The following WWOX variants were observed in gnomAD, a reference collection of about 807,000 sequenced individuals.
WWOX encodes the protein WW domain-containing oxidoreductase.
WWOX carries 69 observed loss-of-function variants against 46.2 expected under a neutral mutation model. The observed-to-expected ratio is 1.49, with a 90% CI of 1.23 to 1.82. The LOEUF is 1.82. WWOX is among the 40% of genes most tolerant of loss of function. The pLI, the probability that WWOX is intolerant of heterozygous loss-of-function variation, is 0.00. For missense variants in WWOX, 919 were observed against 542.6 expected (o/e 1.69, Z -6.89); for synonymous variants, 359 against 202.6 (o/e 1.77, Z -6.56).
At chr16:78,754,002 A>G (rs58418713) in intron 8 of WWOX, among the ~76,000 whole-genome samples, 2,261 of 151,568 alleles carry the variant, frequency 0.015, 51 homozygotes, top group African/African-American at 0.051. Context: ...TATGCCAAAG[A>G]GAATGATTAT....
chr16:78,388,946 G>T (rs1235887979), intron 6 of WWOX, among the ~76,000 whole-genome samples: 2 of 149,594 alleles, frequency 1.3e-5, no homozygotes, highest in Non-Finnish European at 3.0e-5. Flanking sequence ...TCCAGCCCGG[G>T]TGACAAGAGC....
At chr16:78,393,312 A>G (rs2082215092) in intron 6 of WWOX, among the ~76,000 whole-genome samples, 1 of 152,220 alleles carries the variant, frequency 6.6e-6, no homozygotes, top group South Asian at 2.1e-4. Context: ...AGGGCCTAGA[A>G]GAGTTAACAG....
chr16:79,027,373 A>T (rs1276746360), intron 8 of WWOX, among the ~76,000 whole-genome samples: 1 of 151,410 alleles, frequency 6.6e-6, no homozygotes, highest in Non-Finnish European at 1.5e-5. Context: ...AAAATTCTTC[A>T]TTGTTATTAT....
chr16:78,423,572 A>G, intron 6 of WWOX, among the ~76,000 whole-genome samples: 1 of 152,158 alleles, frequency 6.6e-6, no homozygotes, highest in South Asian at 2.1e-4. Flanking sequence ...ATTGTTAACA[A>G]TTTTGTTACG....
intron 8 of WWOX, among the ~76,000 whole-genome samples, chr16:78,634,625 G>C (rs2046519903): frequency 6.6e-6 from 1 of 151,282 alleles, no homozygotes; most frequent in Non-Finnish European, 1.5e-5. Context: ...AGAATCATTT[G>C]AACCCAGGAG....
chr16:79,201,277 C>G (rs889180620), intron 8 of WWOX, among the ~76,000 whole-genome samples: 5 of 151,956 alleles, frequency 3.3e-5, no homozygotes, highest in Admixed American at 1.3e-4. Context: ...TTGATTCTCA[C>G]TTGATAGAGG....
chr16:78,515,971 C>T (rs1457025103), intron 8 of WWOX, among the ~76,000 whole-genome samples: 1 of 152,118 alleles, frequency 6.6e-6, no homozygotes, highest in Non-Finnish European at 1.5e-5. Flanking sequence ...CAATCAGTCT[C>T]TCTCCTTCCA....
chr16:78,655,317 A>G (rs1006249138), intron 8 of WWOX, among the ~76,000 whole-genome samples: 4 of 152,182 alleles, frequency 2.6e-5, no homozygotes, highest in African/African-American at 9.7e-5. Context: ...AATGCTACCG[A>G]GCAGTGCCTG....
At chr16:79,111,484 C>G (rs1048608208) in intron 8 of WWOX, among the ~76,000 whole-genome samples, 1 of 152,168 alleles carries the variant, frequency 6.6e-6, no homozygotes, top group African/African-American at 2.4e-5. Flanking sequence ...AAATCAAGCA[C>G]TCGAGTATCC....
intron 8 of WWOX, among the ~76,000 whole-genome samples, chr16:79,137,616 C>T (rs935070132): frequency 6.6e-6 from 1 of 152,096 alleles, no homozygotes; most frequent in Admixed American, 6.5e-5. Flanking sequence ...TGGCTCTGAC[C>T]TGCCATCATG....
chr16:78,101,869 C>G (rs1428869296), intron 1 of WWOX, among the ~76,000 whole-genome samples: 6 of 152,176 alleles, frequency 3.9e-5, no homozygotes, highest in Non-Finnish European at 8.8e-5. Context: ...AGGACCCAAT[C>G]TTATTAGGGC....
chr16:79,141,938 T>C (rs1206665090), intron 8 of WWOX, among the ~76,000 whole-genome samples: 3 of 152,142 alleles, frequency 2.0e-5, no homozygotes, highest in African/African-American at 7.2e-5. Context: ...CCAGTGCTTC[T>C]TGGCTATTGT....
chr16:78,866,121 C>G (rs189895865), intron 8 of WWOX, among the ~76,000 whole-genome samples: 5 of 152,314 alleles, frequency 3.3e-5, no homozygotes, highest in African/African-American at 4.8e-5. Context: ...TGATCTCTTT[C>G]TCTTCCATAA....
chr16:78,776,333 A>G (rs1263803561), intron 8 of WWOX, among the ~76,000 whole-genome samples: 1 of 152,014 alleles, frequency 6.6e-6, no homozygotes, highest in East Asian at 1.9e-4. Flanking sequence ...GGACCTTGGC[A>G]TCTCGTGCGA....
At chr16:78,731,364 G>C (rs749931411) in intron 8 of WWOX, among the ~76,000 whole-genome samples, 1 of 152,094 alleles carries the variant, frequency 6.6e-6, no homozygotes, top group Non-Finnish European at 1.5e-5. Flanking sequence ...CCTTTTTATA[G>C]ATTGCATGAC....
rs1011952550 is a variant in WWOX, at chr16:78,367,841, C to G, written c.517-19019C>G. On this transcript the variant is annotated intron_variant, in intron 5 of 8. Transcript: ENST00000566780. ...GTGCAATCTCAGCTCACTGCAACCTCTGCCTCCCGAGTTCAAGCTATTCTT... is the reference window on the plus strand; with the variant it reads ...GTGCAATCTCAGCTCACTGCAACCTGTGCCTCCCGAGTTCAAGCTATTCTT... 2.6e-5 allele frequency among the ~76,000 whole-genome samples: 4 copies of G among 152,072 alleles called. No homozygotes were observed. In the East Asian group the frequency reaches 5.8e-4, roughly 22 times the overall value.
At chr16:78,761,938 T>C (rs943757778) in intron 8 of WWOX, among the ~76,000 whole-genome samples, 8 of 152,172 alleles carry the variant, frequency 5.3e-5, no homozygotes, top group Admixed American at 4.6e-4. Context: ...ATCAATTATA[T>C]ACATAAGACA....
At position 78,979,278 on chromosome 16, in the gene WWOX, C is replaced by T. The variant is rs544764494; in HGVS notation, c.1057-232330C>T. On this transcript the variant is annotated intron_variant, in intron 8 of 8. Transcript: ENST00000566780. Reference sequence around the variant, plus strand: ...CCCCATTCCCACCTCCCAGAGATAACGCCTGTGTTTTAGTTCATCTCCTTC... The same window carrying T: ...CCCCATTCCCACCTCCCAGAGATAATGCCTGTGTTTTAGTTCATCTCCTTC... Among the ~76,000 whole-genome samples the T allele has an allele frequency of 2.8e-4, 42 of 152,212 alleles. No homozygotes were observed. The South Asian group carries it at 2.9e-3, about 11-fold the overall frequency.
At chr16:78,847,540 C>G (rs536429587) in intron 8 of WWOX, among the ~76,000 whole-genome samples, 3 of 151,892 alleles carry the variant, frequency 2.0e-5, no homozygotes, top group African/African-American at 7.3e-5. Context: ...TGCTATGTTG[C>G]CCAGCTCAGT....
Sources: gnomAD v4.1 joint callset for allele counts (sites outside exome capture counted in the v4.1 genomes callset) on GRCh38, gnomAD v4.1.1 for gene constraint, MANE v1.5 for transcripts, NCBI Gene and HGNC (gene_info 2026-07-23, HGNC 2026-07-21) for gene names.